The following MACC1 variants were observed in gnomAD, a reference collection of about 807,000 sequenced individuals.
MACC1 encodes metastasis-associated in colon cancer protein 1.
A neutral mutation model predicts 70.7 loss-of-function variants in MACC1; 79 were observed. The observed-to-expected ratio is 1.12, with a 90% CI of 0.93 to 1.35. The LOEUF is 1.35. Ranked by LOEUF, MACC1 falls within the 40% of genes most tolerant of loss-of-function variation. MACC1 has a pLI of 0.00. For synonymous variants in MACC1, 361 were observed against 347.2 expected, an observed-to-expected ratio of 1.04 and a Z score of -0.44; for missense variants, 1,106 against 978.1, an observed-to-expected ratio of 1.13 and a Z score of -1.74.
intron 1 of MACC1, among the ~76,000 whole-genome samples, chr7:20,183,561 A>T (rs968322754): frequency 1.3e-5 from 2 of 152,242 alleles, no homozygotes; most frequent in Non-Finnish European, 2.9e-5. Context: ...TTTGTTTTGT[A>T]GAAATGGAAT....
chr7:20,199,311 G>T (rs1782800228), intron 1 of MACC1, among the ~76,000 whole-genome samples: 1 of 152,228 alleles, frequency 6.6e-6, no homozygotes, highest in African/African-American at 2.4e-5. Flanking sequence ...AGTTGGCAAG[G>T]TTTGATCTTC....
chr7:20,156,726 C>T (rs1288905369), intron 5 of MACC1, among the ~76,000 whole-genome samples: 1 of 152,098 alleles, frequency 6.6e-6, no homozygotes, highest in Non-Finnish European at 1.5e-5. Context: ...CTAAGTATCA[C>T]TGTAGAATCA....
intron 1 of MACC1, among the ~76,000 whole-genome samples, chr7:20,214,829 C>T (rs979413787): frequency 2.6e-5 from 4 of 152,044 alleles, no homozygotes; most frequent in Non-Finnish European, 4.4e-5. Flanking sequence ...CATATGTTTC[C>T]GAAAATCATT....
At chr7:20,186,641 T>C (rs1782592517) in intron 1 of MACC1, among the ~76,000 whole-genome samples, 1 of 152,044 alleles carries the variant, frequency 6.6e-6, no homozygotes, top group African/African-American at 2.4e-5. Context: ...GGAATTAGTT[T>C]GAGGAACCTG....
Position 20,159,784 on chromosome 7 carries a change from GGCAGGA to G in MACC1, c.571_576del (p.Ser191_Cys192del), listed in dbSNP as rs1327498842. Reference sequence around the variant, plus strand: ...CTCTGACTAATTGTATTCAAATCAAGGCAGGAGCGGGCCAGCTGGCGTTGACTTAAC... The same window carrying G: ...CTCTGACTAATTGTATTCAAATCAAGGCGGGCCAGCTGGCGTTGACTTAAC... On this transcript the variant is annotated inframe_deletion, in exon 5 of 7. Coordinates refer to ENST00000400331, the MANE Select transcript of MACC1 (RefSeq NM_182762.4). The G allele has an allele frequency of 6.2e-7, 1 of 1,613,978 alleles. No individual in the cohort carries two copies. Among genetic ancestry groups the G allele is most frequent in the Non-Finnish European group, 8.5e-7 (1 of 1,180,048 alleles).
chr7:20,175,694 A>G (rs17142546), intron 1 of MACC1, among the ~76,000 whole-genome samples: 3,916 of 152,210 alleles, frequency 0.026, 186 homozygotes, highest in African/African-American at 0.09. Context: ...AGACTGTCAC[A>G]GTGTTTAATC....
intron 6 of MACC1, among the ~76,000 whole-genome samples, chr7:20,146,468 A>G (rs1306874576): frequency 2.0e-5 from 3 of 152,196 alleles, no homozygotes; most frequent in African/African-American, 7.2e-5. Context: ...AGGTCACAAA[A>G]AATTCTAAAT....
At position 20,154,186 on chromosome 7, in the gene MACC1, G is replaced by A. The variant is rs774242829; in HGVS notation, c.2346+7C>T. The A allele has an allele frequency of 2.5e-6, 4 of 1,613,576 alleles. No homozygotes were observed. The highest frequency in any genetic ancestry group is 2.7e-5 in the African/African-American group (2 of 74,904). ...TCACTATTGAATTACACAAACAGAA[G>A]TCTTACCTCAACAGCAACATCTCCA... On this transcript the variant is annotated splice_region_variant and intron_variant, in intron 6 of 6. Coordinates refer to ENST00000400331, the MANE Select transcript of MACC1 (RefSeq NM_182762.4).
intron 6 of MACC1, among the ~76,000 whole-genome samples, chr7:20,150,212 G>A (rs1781954913): frequency 6.6e-6 from 1 of 151,986 alleles, no homozygotes; most frequent in Non-Finnish European, 1.5e-5. Context: ...TGGTTTTTAA[G>A]GAAAAAATAA....
At chr7:20,214,015 T>A (rs1360575477) in intron 1 of MACC1, among the ~76,000 whole-genome samples, 2 of 152,190 alleles carry the variant, frequency 1.3e-5, no homozygotes, top group African/African-American at 4.8e-5. Flanking sequence ...CCTCTGCTTC[T>A]TTTCCATTTT....
At chr7:20,142,516 A>G (rs1013207327) in intron 6 of MACC1, among the ~76,000 whole-genome samples, 4 of 152,204 alleles carry the variant, frequency 2.6e-5, no homozygotes, top group South Asian at 2.1e-4. Flanking sequence ...TATAAGTTTT[A>G]CCCTCACCAA....
chr7:20,162,423 G>A (rs978916293), intron 3 of MACC1, among the ~76,000 whole-genome samples: 6 of 152,068 alleles, frequency 3.9e-5, no homozygotes, highest in Non-Finnish European at 8.8e-5. Context: ...AACACATACA[G>A]CAGCAATAAC....
intron 2 of MACC1, among the ~76,000 whole-genome samples, chr7:20,166,787 G>A (rs1782226771): frequency 6.6e-6 from 1 of 152,192 alleles, no homozygotes; most frequent in Non-Finnish European, 1.5e-5. Flanking sequence ...ACCAGGTCAA[G>A]ATGTCTATCA....
At position 20,136,859 on chromosome 7, in the gene MACC1, T is replaced by C. The variant is rs1781725003; in HGVS notation, c.*4087A>G. Reference sequence around the variant, plus strand: ...ATTATTAATTATTAATTGTAATTATTAATTCTTAAAGATTATTAATTATAA... The same window carrying C: ...ATTATTAATTATTAATTGTAATTATCAATTCTTAAAGATTATTAATTATAA... On this transcript the variant is annotated 3_prime_UTR_variant, in exon 7 of 7. Transcript: ENST00000400331. The C allele has an allele frequency of 1.4e-5, 2 of 141,336 alleles. No homozygotes were observed. The highest frequency in any genetic ancestry group is 4.2e-4 in the South Asian group (2 of 4,766). The allele number at this position is 141,336 out of a possible 1,614,324, so 8.8% of individuals were successfully genotyped here. A position where few individuals can be genotyped will look rare whatever the true frequency, so the allele number is the denominator to read the frequency against.
chr7:20,135,538 C>T lies in MACC1; in HGVS notation c.*5408G>A, dbSNP rs1052510788. The T allele has an allele frequency of 6.6e-6, 1 of 152,180 alleles. No homozygotes were observed. Among genetic ancestry groups the T allele is most frequent in the Non-Finnish European group, 1.5e-5 (1 of 68,040 alleles). The allele number at this position is 152,180 out of a possible 1,614,324, so 9.4% of individuals were successfully genotyped here. A position where few individuals can be genotyped will look rare whatever the true frequency, so the allele number is the denominator to read the frequency against. ...CAAACTGGGGTCCCTGGACCAGAAA[C>T]ATCTGCATCACCTGGGAAGTGATTA... On this transcript the variant is annotated 3_prime_UTR_variant, in exon 7 of 7. Transcript: ENST00000400331.
chr7:20,177,650 C>CT (rs5882731), intron 1 of MACC1, among the ~76,000 whole-genome samples: 72,949 of 150,126 alleles, frequency 0.49, 19,396 homozygotes, highest in East Asian at 0.86. Flanking sequence ...TTTTAACGCA[C>CT]TTTTTTCACA....
rs759464703 is a variant in MACC1, at chr7:20,158,395, A to G, written c.1966T>C (p.Leu656=). The G allele has an allele frequency of 5.6e-6, 9 of 1,613,760 alleles. No homozygotes were observed. In the South Asian group the frequency reaches 7.7e-5, roughly 14 times the overall value. The change falls in exon 5 of 7, where the codon TTG becomes CTG. Residue 656 remains leucine, a synonymous_variant. Transcript: ENST00000400331. ...CAATCATAAACTTTTTCTGACACCA[A>G]GGTTAATACAACTGAGTAGATATAA... ...LTYIYSVVLT[L]VSEKVYDWKV...
chr7:20,151,661 TG>T (rs1390347229), intron 6 of MACC1, among the ~76,000 whole-genome samples: 1 of 152,190 alleles, frequency 6.6e-6, no homozygotes, highest in East Asian at 1.9e-4. Context: ...AATTAAGAAA[TG>T]GTTAAGGTGT....
intron 2 of MACC1, among the ~76,000 whole-genome samples, chr7:20,165,722 C>T (rs3095001): frequency 0.26 from 39,375 of 151,930 alleles, 6,420 homozygotes; most frequent in East Asian, 0.83. Context: ...TCTAGAGAAA[C>T]ATGAGTCAGT....
Sources: gnomAD v4.1 joint callset for allele counts (sites outside exome capture counted in the v4.1 genomes callset) on GRCh38, gnomAD v4.1.1 for gene constraint, MANE v1.5 for transcripts, NCBI Gene and HGNC (gene_info 2026-07-23, HGNC 2026-07-21) for gene names.